The following SLC24A2 variants were observed in gnomAD, a reference collection of about 807,000 sequenced individuals.
SLC24A2 encodes solute carrier family 24 member 2.
Under a neutral mutation model 62.0 loss-of-function variants are expected in SLC24A2, and 36 were observed. That is an observed-to-expected ratio of 0.58 (90% CI 0.44 to 0.77). The LOEUF is 0.77. SLC24A2 is among the 30% of genes least tolerant of loss of function. The pLI, the probability that SLC24A2 is intolerant of heterozygous loss-of-function variation, is 0.00. For missense variants in SLC24A2, 846 were observed against 817.9 expected, an observed-to-expected ratio of 1.03 and a Z score of -0.42; for synonymous variants, 358 against 294.0, an observed-to-expected ratio of 1.22 and a Z score of -2.23.
intron 2 of SLC24A2, among the ~76,000 whole-genome samples, chr9:19,734,724 T>A (rs1470450277): frequency 6.6e-6 from 1 of 152,196 alleles, no homozygotes; most frequent in East Asian, 1.9e-4. Flanking sequence ...TTTTTGCACA[T>A]TGATTTTGTA....
At chr9:20,241,353 T>C in the SLC24A2 span, among the ~76,000 whole-genome samples, 18,854 of 152,198 alleles carry the variant, frequency 0.12, 2,324 homozygotes, top group East Asian at 0.57. Flanking sequence ...CAGGTATTTG[T>C]TGAGGGTCCA....
At chr9:20,249,358 G>A in the SLC24A2 span, among the ~76,000 whole-genome samples, 1 of 152,058 alleles carries the variant, frequency 6.6e-6, no homozygotes, top group Admixed American at 6.5e-5. Context: ...TTTCTCATCT[G>A]TCATCTGGGG....
chr9:19,648,708 C>G (rs953196570), intron 2 of SLC24A2, among the ~76,000 whole-genome samples: 1 of 152,126 alleles, frequency 6.6e-6, no homozygotes, highest in Non-Finnish European at 1.5e-5. Context: ...CAAGGAGGAA[C>G]ATCTAATTAA....
At chr9:20,285,133 C>A in the SLC24A2 span, among the ~76,000 whole-genome samples, 1 of 152,128 alleles carries the variant, frequency 6.6e-6, no homozygotes, top group Non-Finnish European at 1.5e-5. Flanking sequence ...AAACCTCTTC[C>A]CAAGGAAATA....
chr9:20,103,854 A>G, the SLC24A2 span, among the ~76,000 whole-genome samples: 3 of 152,076 alleles, frequency 2.0e-5, no homozygotes, highest in African/African-American at 7.2e-5. Flanking sequence ...ATGGAGAATG[A>G]CTTTGACGAG....
chr9:20,005,580 T>C, the SLC24A2 span, among the ~76,000 whole-genome samples: 1 of 152,070 alleles, frequency 6.6e-6, no homozygotes, highest in African/African-American at 2.4e-5. Context: ...AAAATTTCAT[T>C]TTTTACCTAG....
the SLC24A2 span, among the ~76,000 whole-genome samples, chr9:20,097,889 C>T: frequency 6.6e-6 from 1 of 151,452 alleles, no homozygotes; most frequent in Admixed American, 6.6e-5. Flanking sequence ...ACTACAGGCG[C>T]TCGACACCAC....
At position 19,516,384 on chromosome 9, in the gene SLC24A2, G is replaced by A. The variant is rs1167694948; in HGVS notation, c.1755C>T (p.Leu585=). The A allele has an allele frequency of 1.9e-6, 3 of 1,613,990 alleles. No individual in the cohort carries two copies. Among genetic ancestry groups the A allele is most frequent in the Non-Finnish European group, 2.5e-6 (3 of 1,180,002 alleles). ...GGAATCTGTGAATGACGGTGTACAG[G>A]AGCCAGGGCAGTGGGAGCCTGTGCA... ...DITVGLPLPW[L]LYTVIHRFQP... is the part of the protein sequence containing the mutation. Residue 585 remains leucine, a synonymous_variant, in exon 11 of 11, where the codon CTC becomes CTT. Coordinates refer to ENST00000341998, the MANE Select transcript of SLC24A2 (RefSeq NM_020344.4).
the SLC24A2 span, among the ~76,000 whole-genome samples, chr9:19,977,113 TTGTG>T: frequency 3.7e-3 from 534 of 145,316 alleles, 2 homozygotes; most frequent in East Asian, 6.7e-3. Context: ...ATTTCTATAT[TTGTG>T]TGTGTGTGTG....
the SLC24A2 span, among the ~76,000 whole-genome samples, chr9:20,006,777 A>G: frequency 1.3e-5 from 2 of 152,168 alleles, no homozygotes; most frequent in Non-Finnish European, 2.9e-5. Context: ...TATCAAGAAA[A>G]ATCGTGTATG....
the SLC24A2 span, among the ~76,000 whole-genome samples, chr9:20,107,539 C>G: frequency 2.6e-5 from 4 of 152,056 alleles, no homozygotes; most frequent in South Asian, 2.1e-4. Context: ...GAAATAATGC[C>G]GCATATCTAC....
At chr9:19,626,123 G>C (rs1818028754) in intron 2 of SLC24A2, among the ~76,000 whole-genome samples, 1 of 152,168 alleles carries the variant, frequency 6.6e-6, no homozygotes, top group African/African-American at 2.4e-5. Context: ...TCAGTCCCAA[G>C]TCCTTAAATC....
the SLC24A2 span, among the ~76,000 whole-genome samples, chr9:20,217,149 T>C: frequency 6.6e-6 from 1 of 152,074 alleles, no homozygotes; most frequent in African/African-American, 2.4e-5. Context: ...GAATGAAAAA[T>C]CTGTACCTAC....
chr9:19,765,723 T>C (rs1822494717), intron 2 of SLC24A2, among the ~76,000 whole-genome samples: 2 of 152,226 alleles, frequency 1.3e-5, no homozygotes, highest in African/African-American at 4.8e-5. Flanking sequence ...CGGGCTGACC[T>C]TAACATTTTT....
In SLC24A2 at chr9:19,510,183, T is replaced by C. The variant is rs751038115; in HGVS notation, c.*5970A>G. On this transcript the variant is annotated 3_prime_UTR_variant, in exon 11 of 11. Coordinates refer to ENST00000341998, the MANE Select transcript of SLC24A2 (RefSeq NM_020344.4). ...TGACTTCACCAGAGCTTCATGGTCATGCTGCACCCAGTATAGTTCAACACT... is the reference window on the plus strand; with the variant it reads ...TGACTTCACCAGAGCTTCATGGTCACGCTGCACCCAGTATAGTTCAACACT... 1 of 152,116 alleles carries C rather than the reference T, an allele frequency of 6.6e-6. No individual in the cohort carries two copies. The highest frequency in any genetic ancestry group is 1.5e-5 in the Non-Finnish European group (1 of 68,032). The allele number at this position is 152,116 out of a possible 1,614,324, so 9.4% of individuals were successfully genotyped here. A position where few individuals can be genotyped will look rare whatever the true frequency, so the allele number is the denominator to read the frequency against.
intron 2 of SLC24A2, among the ~76,000 whole-genome samples, chr9:19,682,354 G>A (rs1819747697): frequency 6.6e-6 from 1 of 152,112 alleles, no homozygotes; most frequent in Non-Finnish European, 1.5e-5. Context: ...GGGCCCTTCT[G>A]TAAGCCCAAC....
the SLC24A2 span, among the ~76,000 whole-genome samples, chr9:20,171,803 C>T: frequency 6.6e-6 from 1 of 152,000 alleles, no homozygotes; most frequent in African/African-American, 2.4e-5. Flanking sequence ...CTAGACAAGT[C>T]ATCAAGACAG....
the SLC24A2 span, among the ~76,000 whole-genome samples, chr9:19,923,089 C>G: frequency 3.6e-4 from 55 of 151,646 alleles, no homozygotes; most frequent in African/African-American, 1.3e-3. Context: ...TTTCTGGGAC[C>G]TTAAAAGTAT....
the SLC24A2 span, among the ~76,000 whole-genome samples, chr9:20,148,657 G>A: frequency 2.0e-5 from 3 of 152,116 alleles, no homozygotes; most frequent in Non-Finnish European, 4.4e-5. Context: ...GTTGGAATAT[G>A]CATGTGATGT....
Sources: allele counts gnomAD v4.1 joint callset (sites outside exome capture counted in the v4.1 genomes callset), GRCh38; gene constraint gnomAD v4.1.1; transcripts MANE v1.5; gene names NCBI Gene and HGNC (gene_info 2026-07-23, HGNC 2026-07-21).